Variants in TPGS2 observed in about 807,000 individuals in gnomAD.
The protein encoded by TPGS2 is tubulin polyglutamylase complex subunit 2.
Under a neutral mutation model 31.1 loss-of-function variants are expected in TPGS2, and 26 were observed. The ratio of observed to expected loss-of-function variants is 0.84; its 90% CI spans 0.61 to 1.16. TPGS2 has a LOEUF of 1.16. Ranked by LOEUF, TPGS2 falls within the 50% of genes most tolerant of loss-of-function variation. The pLI is 0.00. For missense variants in TPGS2, 351 were observed against 363.8 expected, an observed-to-expected ratio of 0.96 and a Z score of 0.29; for synonymous variants, 130 against 136.6, an observed-to-expected ratio of 0.95 and a Z score of 0.34.
intron 3 of TPGS2, among the ~76,000 whole-genome samples, 180 bp from the exon 4 acceptor site, chr18:36,805,682 T>C (rs1320255475): frequency 6.6e-6 from 1 of 152,086 alleles, no homozygotes; most frequent in Non-Finnish European, 1.5e-5. Context: ...CAACCTTTCA[T>C]ACAAAAAAAG....
intron 1 of TPGS2, among the ~76,000 whole-genome samples, chr18:36,828,080 A>C (rs951916673): frequency 1.6e-4 from 25 of 152,274 alleles, no homozygotes; most frequent in Middle Eastern, 3.4e-3. Context: ...AGGCAGGAGA[A>C]TTGCTTGAAC....
At chr18:36,786,914 G>A (rs762529336) in intron 6 of TPGS2, 7 of 1,234,228 alleles carry the variant, frequency 5.7e-6, no homozygotes, top group South Asian at 4.1e-5. Context: ...TTGGATTGGC[G>A]CCTGCTGCAC....
intron 6 of TPGS2, among the ~76,000 whole-genome samples, chr18:36,787,841 A>G (rs1189816560): frequency 6.6e-6 from 1 of 152,264 alleles, no homozygotes; most frequent in East Asian, 1.9e-4. Context: ...TGCCACCTCA[A>G]TAGAAGGAAG....
chr18:36,820,753 T>C (rs910307728), intron 1 of TPGS2, among the ~76,000 whole-genome samples: 12 of 152,224 alleles, frequency 7.9e-5, no homozygotes, highest in African/African-American at 2.9e-4. Flanking sequence ...TAGTAGCCTA[T>C]CATTTTGGTG....
At chr18:36,823,460 G>GTTTTTTTTTTTGTT (rs2045984092) in intron 1 of TPGS2, among the ~76,000 whole-genome samples, 1 of 108,110 alleles carries the variant, frequency 9.2e-6, no homozygotes, top group South Asian at 2.8e-4. Context: ...TTAACAGCTT[G>GTTTTTTTTTTTGTT]TTTTTTTTTT....
At chr18:36,825,984 T>C (rs951712010) in intron 1 of TPGS2, among the ~76,000 whole-genome samples, 10 of 152,234 alleles carry the variant, frequency 6.6e-5, no homozygotes, top group African/African-American at 2.2e-4. Context: ...CACAGTCTTA[T>C]GTAATTTTCA....
intron 1 of TPGS2, among the ~76,000 whole-genome samples, chr18:36,821,752 T>C (rs180826274): frequency 2.0e-5 from 3 of 152,306 alleles, no homozygotes; most frequent in East Asian, 3.9e-4. Context: ...GAGTGAGTGA[T>C]AGAAAACATC....
At chr18:36,790,118 A>C (rs2044257170), downstream of TPGS2, 1 of 152,256 alleles carries the variant, frequency 6.6e-6, no homozygotes, top group African/African-American at 2.4e-5. Context: ...CACCTAGAAG[A>C]TACAGTCTCT....
At chr18:36,789,935 C>CT, downstream of TPGS2, 1 of 153,542 alleles carries the variant, frequency 6.5e-6, no homozygotes, top group Non-Finnish European at 1.4e-5. Flanking sequence ...TCCATTAAAC[C>CT]TTTTTCTTAA....
downstream of TPGS2, among the ~76,000 whole-genome samples, chr18:36,781,381 C>A (rs113460883): frequency 1.3e-5 from 2 of 152,158 alleles, no homozygotes; most frequent in East Asian, 3.9e-4. Flanking sequence ...AGGCCGGGTG[C>A]GGTGGCTGAC....
intron 4 of TPGS2, among the ~76,000 whole-genome samples, chr18:36,804,212 T>A (rs925368088): frequency 3.3e-5 from 5 of 152,212 alleles, no homozygotes; most frequent in African/African-American, 1.2e-4. Context: ...CATTTAGGTT[T>A]AATGAGACTT....
chr18:36,808,132 C>T (rs534828578), intron 2 of TPGS2, among the ~76,000 whole-genome samples, 198 bp from the exon 3 acceptor site: 2 of 152,130 alleles, frequency 1.3e-5, no homozygotes, highest in African/African-American at 4.8e-5. Flanking sequence ...TTTTCTTCAG[C>T]AGCTAATGCA....
intron 4 of TPGS2, among the ~76,000 whole-genome samples, chr18:36,801,779 C>CTGAT (rs1600764391): frequency 6.6e-6 from 1 of 152,234 alleles, no homozygotes; most frequent in Non-Finnish European, 1.5e-5. Context: ...TTTGAACAAT[C>CTGAT]TGATTATGGT....
downstream of TPGS2, among the ~76,000 whole-genome samples, chr18:36,781,375 C>T (rs138130809): frequency 8.4e-3 from 1,277 of 152,262 alleles, 12 homozygotes; most frequent in Non-Finnish European, 0.013. Flanking sequence ...CTCTGTAGGC[C>T]GGGTGCGGTG....
At chr18:36,808,065 C>G (rs1283588488) in intron 2 of TPGS2, 131 bp from the exon 3 acceptor site, 2 of 860,450 alleles carry the variant, frequency 2.3e-6, no homozygotes, top group African/African-American at 3.4e-5. Flanking sequence ...TAGTCACCTA[C>G]AAAACTCTAT....
chr18:36,792,131 T>C (rs2510025), downstream of TPGS2, among the ~76,000 whole-genome samples: 1,879 of 151,976 alleles, frequency 0.012, 30 homozygotes, highest in African/African-American at 0.04. Flanking sequence ...TTAACTGTAA[T>C]GAAGGGGCCA....
At chr18:36,812,156 G>A (rs1178958626) in intron 2 of TPGS2, among the ~76,000 whole-genome samples, 3 of 152,108 alleles carry the variant, frequency 2.0e-5, no homozygotes, top group African/African-American at 7.2e-5. Context: ...CTATGATATT[G>A]TGAAATAAAT....
At chr18:36,793,917 A>G (rs1425751983), downstream of TPGS2, among the ~76,000 whole-genome samples, 2 of 151,608 alleles carry the variant, frequency 1.3e-5, no homozygotes, top group Non-Finnish European at 2.9e-5. Context: ...TTTGTTTTGT[A>G]TTTTTAGTAG....
chr18:36,797,082 A>G, intron 6 of TPGS2, 32 bp from the exon 7 acceptor site: 1 of 1,595,984 alleles, frequency 6.3e-7, no homozygotes. Flanking sequence ...CAAGGTCACA[A>G]TTCAAAGGAA....
Sources: allele counts gnomAD v4.1 joint callset (sites outside exome capture counted in the v4.1 genomes callset), GRCh38; gene constraint gnomAD v4.1.1; transcripts MANE v1.5; gene names NCBI Gene and HGNC (gene_info 2026-07-23, HGNC 2026-07-21).